SLC67A2: variants seen among roughly 807,000 people sequenced by gnomAD.
SLC67A2 encodes solute carrier family 67 member A2.
At chr2:102,735,846 GCA>G in the SLC67A2 span, among the ~76,000 whole-genome samples, 162 of 149,640 alleles carry the variant, frequency 1.1e-3, 1 homozygote, top group South Asian at 4.2e-3. Flanking sequence ...ACGCGCGCGC[GCA>G]CACACACACA....
At chr2:102,717,634 G>A in the SLC67A2 span, 1 of 152,356 alleles carries the variant, frequency 6.6e-6, no homozygotes, top group Non-Finnish European at 1.5e-5. Flanking sequence ...TACAACTGCT[G>A]AGAGCTGGGA....
chr2:102,722,085 T>G, the SLC67A2 span, among the ~76,000 whole-genome samples: 2 of 152,132 alleles, frequency 1.3e-5, no homozygotes, highest in South Asian at 2.1e-4. Flanking sequence ...GCCTACTGAT[T>G]TGGGGGAACA....
At chr2:102,726,591 TATAGAC>T in the SLC67A2 span, among the ~76,000 whole-genome samples, 1 of 151,846 alleles carries the variant, frequency 6.6e-6, no homozygotes, top group African/African-American at 2.4e-5. Flanking sequence ...AGGCTTTAGA[TATAGAC>T]ATAGACACAC....
the SLC67A2 span, among the ~76,000 whole-genome samples, chr2:102,728,022 C>G: frequency 6.6e-6 from 1 of 152,242 alleles, no homozygotes; most frequent in Admixed American, 6.5e-5. Context: ...CCCGGCGTAG[C>G]TCCCTTCTGA....
At chr2:102,731,266 A>G in the SLC67A2 span, among the ~76,000 whole-genome samples, 5 of 152,300 alleles carry the variant, frequency 3.3e-5, 1 homozygote, top group African/African-American at 1.2e-4. Flanking sequence ...AAGTAATACA[A>G]TTTCTAACAA....
the SLC67A2 span, among the ~76,000 whole-genome samples, chr2:102,724,905 A>T: frequency 6.6e-6 from 1 of 151,888 alleles, no homozygotes; most frequent in Admixed American, 6.6e-5. Context: ...AGGTAGATGG[A>T]CTCTCCCTAG....
the SLC67A2 span, among the ~76,000 whole-genome samples, chr2:102,736,311 C>T: frequency 6.6e-6 from 1 of 152,086 alleles, no homozygotes; most frequent in East Asian, 1.9e-4. Flanking sequence ...TTGCCCACAC[C>T]CCTGTTCTCC....
the SLC67A2 span, chr2:102,723,660 A>T: frequency 6.3e-7 from 1 of 1,575,070 alleles, no homozygotes; most frequent in Non-Finnish European, 8.7e-7. Flanking sequence ...ATTGGTCAGT[A>T]TGAATACACA....
chr2:102,721,023 T>C, the SLC67A2 span, among the ~76,000 whole-genome samples: 1 of 152,198 alleles, frequency 6.6e-6, no homozygotes, highest in Non-Finnish European at 1.5e-5. Context: ...CCAGCCTGCC[T>C]ATCCTCAAGT....
chr2:102,727,684 C>G, the SLC67A2 span, among the ~76,000 whole-genome samples: 2 of 152,168 alleles, frequency 1.3e-5, no homozygotes, highest in African/African-American at 2.4e-5. Flanking sequence ...ACCCCTAGAA[C>G]TGGAGTTGTT....
chr2:102,728,139 A>T, the SLC67A2 span, among the ~76,000 whole-genome samples: 2 of 152,144 alleles, frequency 1.3e-5, no homozygotes, highest in Non-Finnish European at 1.5e-5. Context: ...TTGAAAAAAA[A>T]AAGTCACTGC....
At chr2:102,736,399 C>T in the SLC67A2 span, 1 of 1,005,718 alleles carries the variant, frequency 9.9e-7, no homozygotes, top group East Asian at 3.1e-5. Flanking sequence ...TCTCAAAAGG[C>T]AGGGAAGGGA....
At chr2:102,719,054 G>A in the SLC67A2 span, 2 of 1,614,222 alleles carry the variant, frequency 1.2e-6, no homozygotes, top group South Asian at 1.1e-5. Context: ...CCAGGGCTGG[G>A]CAGTCTTCTT....
At chr2:102,718,815 G>C in the SLC67A2 span, 1 of 1,613,868 alleles carries the variant, frequency 6.2e-7, no homozygotes, top group Non-Finnish European at 8.5e-7. Context: ...TTGTACAGCC[G>C]TAGGATTGGC....
the SLC67A2 span, among the ~76,000 whole-genome samples, chr2:102,735,599 C>T: frequency 1.3e-5 from 2 of 152,188 alleles, no homozygotes; most frequent in African/African-American, 4.8e-5. Flanking sequence ...TGAATCAGGC[C>T]TAGCCTTGGA....
chr2:102,725,696 T>C, the SLC67A2 span, among the ~76,000 whole-genome samples: 2 of 73,536 alleles, frequency 2.7e-5, no homozygotes, highest in East Asian at 4.3e-4. Context: ...CAAAAAGGCA[T>C]GGTTAAGAAT....
At chr2:102,718,801 G>A in the SLC67A2 span, 2 of 1,613,836 alleles carry the variant, frequency 1.2e-6, no homozygotes, top group Non-Finnish European at 1.7e-6. Flanking sequence ...CCTGCGAGTT[G>A]TGCTTGTACA....
At chr2:102,718,595 G>A in the SLC67A2 span, 1 of 1,613,528 alleles carries the variant, frequency 6.2e-7, no homozygotes, top group Non-Finnish European at 8.5e-7. Flanking sequence ...TGCAGTCACA[G>A]ACTGCCCCAC....
chr2:102,734,121 G>A, the SLC67A2 span, among the ~76,000 whole-genome samples: 4 of 152,144 alleles, frequency 2.6e-5, no homozygotes, highest in Admixed American at 6.5e-5. Flanking sequence ...GTCAGAAGGG[G>A]CCACTTAAAC....
Sources: allele counts gnomAD v4.1 joint callset (sites outside exome capture counted in the v4.1 genomes callset), GRCh38; gene constraint gnomAD v4.1.1; transcripts MANE v1.5; gene names NCBI Gene and HGNC (gene_info 2026-07-23, HGNC 2026-07-21).